SUSD6: variants seen among roughly 807,000 people sequenced by gnomAD.
SUSD6 encodes sushi domain containing 6, also known as sushi domain-containing protein 6.
SUSD6 carries 16 observed loss-of-function variants against 28.4 expected under a neutral mutation model. The observed-to-expected ratio is 0.56, with a 90% CI of 0.38 to 0.86. The LOEUF (loss-of-function observed/expected upper bound fraction) is 0.86. SUSD6 is among the 40% of genes least tolerant of loss of function. SUSD6 has a pLI of 0.00. For synonymous variants in SUSD6, 147 were observed against 159.6 expected (o/e 0.92, Z 0.59); for missense variants, 341 against 384.2 (o/e 0.89, Z 0.94).
At chr14:69,673,378 G>T (rs1046503383) in intron 2 of SUSD6, among the ~76,000 whole-genome samples, 3 of 152,160 alleles carry the variant, frequency 2.0e-5, no homozygotes, top group African/African-American at 7.2e-5. Flanking sequence ...AGCAGCTGCT[G>T]CTGGTCTGAA....
chr14:69,639,956 G>GTTT (rs11463756), intron 1 of SUSD6, among the ~76,000 whole-genome samples: 11,213 of 80,982 alleles, frequency 0.14, 705 homozygotes, highest in African/African-American at 0.15. Context: ...CACCTACACT[G>GTTT]TTTTTTTTTT....
chr14:69,644,427 G>A (rs1412131274), intron 1 of SUSD6, among the ~76,000 whole-genome samples: 2 of 152,134 alleles, frequency 1.3e-5, no homozygotes, highest in African/African-American at 2.4e-5. Flanking sequence ...TGAGGCTGGC[G>A]GATCACGAGG....
At chr14:69,653,226 G>A (rs554582353) in intron 1 of SUSD6, among the ~76,000 whole-genome samples, 58 of 152,282 alleles carry the variant, frequency 3.8e-4, no homozygotes, top group African/African-American at 1.3e-3. Context: ...GGTGGGAGAG[G>A]CTGCCCTTTT....
At chr14:69,685,185 G>C (rs1033326533) in intron 2 of SUSD6, among the ~76,000 whole-genome samples, 2 of 152,214 alleles carry the variant, frequency 1.3e-5, no homozygotes, top group Non-Finnish European at 1.5e-5. Flanking sequence ...TCCTTTTGTG[G>C]TGGGTGATTT....
chr14:69,641,688 C>G (rs1885355241), intron 1 of SUSD6, among the ~76,000 whole-genome samples: 1 of 152,128 alleles, frequency 6.6e-6, no homozygotes, highest in South Asian at 2.1e-4. Flanking sequence ...CTCCTGGGCT[C>G]AAGCAGTCCT....
chr14:69,681,476 G>A (rs1223256184), intron 2 of SUSD6, among the ~76,000 whole-genome samples: 1 of 152,200 alleles, frequency 6.6e-6, no homozygotes, highest in African/African-American at 2.4e-5. Flanking sequence ...GTGGAGAAAA[G>A]GGGGCTCCTG....
intron 2 of SUSD6, among the ~76,000 whole-genome samples, chr14:69,697,842 CACTT>C (rs1195331526): frequency 6.6e-6 from 1 of 152,214 alleles, no homozygotes; most frequent in Admixed American, 6.5e-5. Context: ...TCACATTTAA[CACTT>C]ACTTCATTGG....
At chr14:69,709,149 C>T (rs1213193053) in intron 5 of SUSD6, 45 bp downstream of exon 5, 1 of 1,485,532 alleles carries the variant, frequency 6.7e-7, no homozygotes, top group Non-Finnish European at 9.1e-7. Flanking sequence ...GCTTAGGGTC[C>T]TTGCTGGGAG....
At chr14:69,636,891 G>A (rs1885273589) in intron 1 of SUSD6, among the ~76,000 whole-genome samples, 1 of 152,202 alleles carries the variant, frequency 6.6e-6, no homozygotes, top group African/African-American at 2.4e-5. Flanking sequence ...AGGAGAATGG[G>A]GTTCTGGTTC....
chr14:69,707,558 C>A (rs1427085855), intron 4 of SUSD6, among the ~76,000 whole-genome samples: 1 of 152,070 alleles, frequency 6.6e-6, no homozygotes, highest in African/African-American at 2.4e-5. Context: ...GAGTTCAAGA[C>A]CAGCCTGGGC....
chr14:69,675,703 G>A (rs939698556), intron 2 of SUSD6, among the ~76,000 whole-genome samples: 27 of 152,144 alleles, frequency 1.8e-4, no homozygotes, highest in African/African-American at 5.6e-4. Flanking sequence ...TTGTCCTCAC[G>A]GTAAACCATC....
At chr14:69,656,966 C>G (rs1045344796) in intron 1 of SUSD6, among the ~76,000 whole-genome samples, 14 of 152,140 alleles carry the variant, frequency 9.2e-5, no homozygotes, top group Admixed American at 5.9e-4. Flanking sequence ...CTGGGTGAAA[C>G]CTGGGGACAG....
chr14:69,698,329 CACAA>C (rs915982758), intron 2 of SUSD6, among the ~76,000 whole-genome samples: 8 of 152,024 alleles, frequency 5.3e-5, no homozygotes, highest in African/African-American at 9.7e-5. Flanking sequence ...CGAGACTCAT[CACAA>C]ACAAACAAAC....
rs796429392 is a variant in SUSD6, at chr14:69,638,947, T to C, written c.-80-19566T>C. On this transcript the variant is annotated intron_variant, in intron 1 of 5. Coordinates refer to ENST00000342745, the MANE Select transcript of SUSD6 (RefSeq NM_014734.4). ...TTGGTCCAGTTTGGTTTCCAAGGTA[T>C]AAGAACCACAGCCCTTCAGAGGGTG... Among the ~76,000 whole-genome samples, 4 of 152,312 alleles carry C rather than the reference T, an allele frequency of 2.6e-5. 1 individual carries two copies. Among genetic ancestry groups the C allele is most frequent in the African/African-American group, 7.2e-5 (3 of 41,564 alleles).
Position 69,663,715 on chromosome 14 carries a change from A to T in SUSD6, c.121+5002A>T, listed in dbSNP as rs189375785. 7.4e-4 allele frequency among the ~76,000 whole-genome samples: 112 copies of T among 152,352 alleles called. 1 individual carries two copies. The highest frequency in any genetic ancestry group is 2.6e-3 in the African/African-American group (108 of 41,582). On this transcript the variant is annotated intron_variant, in intron 2 of 5. Coordinates refer to ENST00000342745, the MANE Select transcript of SUSD6 (RefSeq NM_014734.4). The stretch of plus-strand genomic sequence containing the variant: ...GGTTCAATAACTTGTTCAGAAACTG[A>T]TGATTTTAAGTGGTGAGGCTGGCTG...
chr14:69,640,797 C>T (rs935950316), intron 1 of SUSD6, among the ~76,000 whole-genome samples: 2 of 152,280 alleles, frequency 1.3e-5, no homozygotes, highest in African/African-American at 4.8e-5. Flanking sequence ...GGGATGAATC[C>T]TCTGATAGCT....
At chr14:69,663,938 G>A (rs922437825) in intron 2 of SUSD6, among the ~76,000 whole-genome samples, 2 of 151,536 alleles carry the variant, frequency 1.3e-5, no homozygotes, top group South Asian at 2.1e-4. Context: ...GGATACAAGA[G>A]TCATCTCTGG....
chr14:69,615,954 T>C lies in SUSD6; in HGVS notation c.-81+4126T>C, dbSNP rs74772447. Among the ~76,000 whole-genome samples, 1,287 of 152,332 alleles carry C rather than the reference T, an allele frequency of 8.4e-3. 13 individuals carry two copies. The highest frequency in any genetic ancestry group is 0.029 in the African/African-American group (1,222 of 41,564). ...TACTGTCGCCAGTGTTAGTAGATCC[T>C]TAAAATTACCTGACAGCAGTGTGCC... On this transcript the variant is annotated intron_variant, in intron 1 of 5. Transcript: ENST00000342745.
intron 2 of SUSD6, among the ~76,000 whole-genome samples, chr14:69,678,976 A>G (rs1039279725): frequency 5.9e-5 from 9 of 152,224 alleles, no homozygotes; most frequent in Non-Finnish European, 4.4e-5. Context: ...TATTCTTCAC[A>G]GTAATTGTAC....
Sources: gnomAD v4.1 joint callset for allele counts (sites outside exome capture counted in the v4.1 genomes callset) on GRCh38, gnomAD v4.1.1 for gene constraint, MANE v1.5 for transcripts, NCBI Gene and HGNC (gene_info 2026-07-23, HGNC 2026-07-21) for gene names.